The following MAST4 variants were observed in gnomAD, a reference collection of about 807,000 sequenced individuals.
The protein encoded by MAST4 is microtubule associated serine/threonine kinase family member 4.
A neutral mutation model predicts 162.7 loss-of-function variants in MAST4; 89 were observed. That is an observed-to-expected ratio of 0.55 (90% CI 0.46 to 0.65). The LOEUF (loss-of-function observed/expected upper bound fraction) is 0.65, where lower values mean the gene tolerates loss of function less well. Ranked by LOEUF, MAST4 falls within the 30% of genes least tolerant of loss-of-function variation. The pLI, the probability that MAST4 is intolerant of heterozygous loss-of-function variation, is 0.00. For synonymous variants in MAST4, 1,479 were observed against 1,361.1 expected (o/e 1.09, Z -1.91); for missense variants, 3,153 against 3,374.0 (o/e 0.93, Z 1.62).
In MAST4 at chr5:67,021,334, T is replaced by C. The variant is rs1160786; in HGVS notation, c.675-33070T>C. Among the ~76,000 whole-genome samples, 206 of 152,326 alleles carry C rather than the reference T, an allele frequency of 1.4e-3. 9 individuals carry two copies. The South Asian group carries it at 0.042, about 31-fold the overall frequency. ...GAATTTTCTCTTATCCAAGTGTAAA[T>C]ACAGGCATGCTATATAGATTGCAAC... On this transcript the variant is annotated intron_variant, in intron 4 of 28. Coordinates refer to ENST00000403625, the MANE Select transcript of MAST4 (RefSeq NM_001164664.2).
chr5:66,959,455 T>G (rs2150153857), intron 4 of MAST4, among the ~76,000 whole-genome samples: 1 of 152,372 alleles, frequency 6.6e-6, no homozygotes, highest in South Asian at 2.1e-4. Context: ...TTTCAGCTAA[T>G]GTGGACACCC....
At position 67,100,288 on chromosome 5, in the gene MAST4, A is replaced by G. The variant is rs372954045; in HGVS notation, c.913-147A>G. 63 of 736,802 alleles carry G rather than the reference A, an allele frequency of 8.6e-5. 1 individual carries two copies. The East Asian group carries it at 9.0e-4, about 11-fold the overall frequency. The allele number at this position is 736,802 out of a possible 1,614,324, so 45.6% of individuals were successfully genotyped here. A position where few individuals can be genotyped will look rare whatever the true frequency, so the allele number is the denominator to read the frequency against. ...TCTGAGAGAGAACATCAAGTTATACATTTAGGCAGTCGTTCTTATAACTTT... is the reference window on the plus strand; with the variant it reads ...TCTGAGAGAGAACATCAAGTTATACGTTTAGGCAGTCGTTCTTATAACTTT... On this transcript the variant is annotated intron_variant, in intron 7 of 28. Transcript: ENST00000403625.
At chr5:67,004,913 C>T (rs567839840) in intron 4 of MAST4, 23 of 689,346 alleles carry the variant, frequency 3.3e-5, no homozygotes, top group Admixed American at 1.6e-4. Context: ...TATTTTTGGC[C>T]TTGTCTTTCT....
chr5:67,034,668 A>G (rs912275370), intron 4 of MAST4, among the ~76,000 whole-genome samples: 2 of 152,188 alleles, frequency 1.3e-5, no homozygotes, highest in Admixed American at 1.3e-4. Context: ...GTTTTCTGCA[A>G]ATTGGATGTG....
chr5:67,069,138 C>T (rs1404590439), intron 5 of MAST4, among the ~76,000 whole-genome samples: 1 of 151,806 alleles, frequency 6.6e-6, no homozygotes, highest in East Asian at 1.9e-4. Context: ...TACATGGACT[C>T]TGCTCATCTT....
At position 66,995,046 on chromosome 5, in the gene MAST4, G is replaced by A. The variant is rs563189891; in HGVS notation, c.675-59358G>A. ...CACTGCATGGATTTAAAGCCCAGTC[G>A]GCTTTGAAAATACCCGTTTGCCCAG... On this transcript the variant is annotated intron_variant, in intron 4 of 28. Coordinates refer to ENST00000403625, the MANE Select transcript of MAST4 (RefSeq NM_001164664.2). Among the ~76,000 whole-genome samples the A allele has an allele frequency of 2.5e-3, 388 of 152,218 alleles. 1 individual carries two copies. Among genetic ancestry groups the A allele is most frequent in the African/African-American group, 8.5e-3 (355 of 41,534 alleles).
At chr5:66,878,459 TA>T (rs1185778382) in intron 3 of MAST4, among the ~76,000 whole-genome samples, 1 of 152,262 alleles carries the variant, frequency 6.6e-6, no homozygotes, top group Non-Finnish European at 1.5e-5. Flanking sequence ...GCAGTGAGGT[TA>T]AATAACTCAC....
intron 5 of MAST4, among the ~76,000 whole-genome samples, chr5:67,084,940 G>A (rs1763076008): frequency 6.6e-6 from 1 of 152,150 alleles, no homozygotes; most frequent in African/African-American, 2.4e-5. Context: ...TGTTTAGGTA[G>A]TCTAAATGTT....
intron 4 of MAST4, among the ~76,000 whole-genome samples, chr5:66,931,594 T>C (rs1742199691): frequency 6.6e-6 from 1 of 152,174 alleles, no homozygotes. Flanking sequence ...GAGCTAGACA[T>C]TATGTTGGAT....
At chr5:67,076,802 G>A (rs777063974) in intron 5 of MAST4, among the ~76,000 whole-genome samples, 5 of 152,096 alleles carry the variant, frequency 3.3e-5, no homozygotes, top group African/African-American at 7.2e-5. Flanking sequence ...CATGACATAC[G>A]GGAGTATAGT....
intron 2 of MAST4, among the ~76,000 whole-genome samples, chr5:66,781,715 G>A (rs1228198932): frequency 6.6e-6 from 1 of 152,062 alleles, no homozygotes; most frequent in Admixed American, 6.5e-5. Context: ...TAGTTACTAG[G>A]TCTTATTTTC....
rs540395909 is a variant in MAST4 at position 66,616,867 on chromosome 5, C to G, written c.363+19849C>G. Among the ~76,000 whole-genome samples, 18 of 152,308 alleles carry G rather than the reference C, an allele frequency of 1.2e-4. No individual in the cohort carries two copies. In the South Asian group the frequency reaches 3.5e-3, roughly 30 times the overall value. On this transcript the variant is annotated intron_variant, in intron 1 of 28. Transcript: ENST00000403625. ...TCCTTTTACTGATAAGTTTCCCTGA[C>G]AGCACTGCTTGCTGGCAGCTCTTCT...
At chr5:66,934,877 C>A (rs931206509) in intron 4 of MAST4, among the ~76,000 whole-genome samples, 3 of 152,166 alleles carry the variant, frequency 2.0e-5, no homozygotes, top group African/African-American at 7.2e-5. Context: ...ACATGGTACT[C>A]TTTACTGGGT....
Position 66,716,384 on chromosome 5 carries a change from A to G in MAST4, c.364-43325A>G, listed in dbSNP as rs532132035. Among the ~76,000 whole-genome samples, 37 of 152,168 alleles carry G rather than the reference A, an allele frequency of 2.4e-4. No individual in the cohort carries two copies. The South Asian group carries it at 7.1e-3, about 29-fold the overall frequency. ...TGTGTGTATTTAGAGAGGGGGTCTT[A>G]CTCGGTTGCCCAGCCTGGAGTGCAA... On this transcript the variant is annotated intron_variant, in intron 1 of 28. Coordinates refer to ENST00000403625, the MANE Select transcript of MAST4 (RefSeq NM_001164664.2).
intron 3 of MAST4, among the ~76,000 whole-genome samples, chr5:66,852,901 G>T (rs1248773138): frequency 6.6e-6 from 1 of 152,174 alleles, no homozygotes; most frequent in Non-Finnish European, 1.5e-5. Context: ...ATGATGAGCT[G>T]AGGAGGAAGA....
In MAST4 at chr5:66,596,513, A is replaced by G; in HGVS notation, c.-143A>G. On this transcript the variant is annotated 5_prime_UTR_variant, in exon 1 of 29. An upstream start codon of the reference 5' UTR is lost. Transcript: ENST00000403625. ...GGGCTCCTGCGGCCCCGTCACTGCC[A>G]TGTAGTCGCTGGCGGGGCTCCCTGC... 2.9e-6 allele frequency: 3 copies of G among 1,034,052 alleles called. No individual in the cohort carries two copies. In the East Asian group the frequency reaches 9.8e-5, roughly 34 times the overall value. 64.1% of individuals were successfully genotyped at this position (1,034,052 alleles called of 1,614,324 possible).
chr5:67,152,785 G>A lies in MAST4; in HGVS notation c.3444G>A (p.Gly1148=), dbSNP rs771483868. The part of the protein sequence containing the change: ...PHQPIVIHSS[G]KNYGFTIRAI... ...AGCCGATTGTGATCCACAGTTCGGG[G>A]AAGAACTACGGCTTTACCATCCGAG... The change falls in exon 25 of 29, where the codon GGG becomes GGA. Residue 1148 remains glycine (G), a synonymous_variant. Transcript: ENST00000403625. The A allele has an allele frequency of 3.1e-6, 5 of 1,613,950 alleles. No homozygotes were observed. The South Asian group carries it at 3.3e-5, about 11-fold the overall frequency.
At chr5:66,759,277 G>A (rs556846467) in intron 1 of MAST4, among the ~76,000 whole-genome samples, 16 of 152,134 alleles carry the variant, frequency 1.1e-4, no homozygotes, top group Non-Finnish European at 2.4e-4. Flanking sequence ...TTCAATTTTG[G>A]GGGAGACCAT....
chr5:66,867,863 C>T (rs751400608), intron 3 of MAST4, among the ~76,000 whole-genome samples: 7 of 152,158 alleles, frequency 4.6e-5, no homozygotes, highest in Non-Finnish European at 7.3e-5. Flanking sequence ...TGGCATTAAC[C>T]AGGAGGTGAG....
Sources: gnomAD v4.1 joint callset for allele counts (sites outside exome capture counted in the v4.1 genomes callset) on GRCh38, gnomAD v4.1.1 for gene constraint, MANE v1.5 for transcripts, NCBI Gene and HGNC (gene_info 2026-07-23, HGNC 2026-07-21) for gene names.